Variants in COL4A3 observed in about 807,000 individuals in gnomAD.
COL4A3 encodes collagen type IV alpha 3 chain, also known as collagen alpha-3(IV) chain.
A neutral mutation model predicts 217.4 loss-of-function variants in COL4A3; 135 were observed. That is an observed-to-expected ratio of 0.62 (90% CI 0.54 to 0.72). The LOEUF is 0.72. Among genes scored for constraint, COL4A3 ranks in the 30% least tolerant of loss-of-function variants. The pLI, the probability that COL4A3 is intolerant of heterozygous loss-of-function variation, is 0.00. For missense variants in COL4A3, 1,868 were observed against 2,119.9 expected (o/e 0.88, Z 2.33); for synonymous variants, 690 against 736.3 (o/e 0.94, Z 1.02).
rs115542200 is a variant in COL4A3 at position 227,233,024 on chromosome 2, A to C, written c.88-4944A>C. On this transcript the variant is annotated intron_variant, in intron 1 of 51. Coordinates refer to ENST00000396578, the MANE Select transcript of COL4A3 (RefSeq NM_000091.5). ...TTTTTATTGTATTTATTTACTTTTTATGTTTTTGAGACAGAGTCTAGCTCT... is the reference window on the plus strand; with the variant it reads ...TTTTTATTGTATTTATTTACTTTTTCTGTTTTTGAGACAGAGTCTAGCTCT... Among the ~76,000 whole-genome samples, 629 of 152,196 alleles carry C rather than the reference A, an allele frequency of 4.1e-3. 4 individuals carry two copies. The highest frequency in any genetic ancestry group is 0.014 in the African/African-American group (592 of 41,536).
rs771642290 is a variant in COL4A3 at position 227,266,544 on chromosome 2, C to A, written c.1408+35C>A. 1.3e-5 allele frequency: 20 copies of A among 1,488,294 alleles called. 1 individual carries two copies. In the South Asian group the frequency reaches 2.2e-4, roughly 16 times the overall value. The allele number at this position is 1,488,294 out of a possible 1,614,324, so 92.2% of individuals were successfully genotyped here. ...ATCAATAATGTTGTATTAGGATAAGCCTTTTTCATCGTCATTATTATCACT... is the reference window on the plus strand; with the variant it reads ...ATCAATAATGTTGTATTAGGATAAGACTTTTTCATCGTCATTATTATCACT... On this transcript the variant is annotated intron_variant, in intron 22 of 51. Transcript: ENST00000396578.
At chr2:227,258,854 G>A (rs116810222) in intron 18 of COL4A3, among the ~76,000 whole-genome samples, 2,050 of 152,224 alleles carry the variant, frequency 0.013, 41 homozygotes, top group African/African-American at 0.048. Flanking sequence ...GTAGGTGCAC[G>A]CATATCATTA....
At chr2:227,221,907 G>A (rs912264275) in intron 1 of COL4A3, among the ~76,000 whole-genome samples, 1 of 151,776 alleles carries the variant, frequency 6.6e-6, no homozygotes, top group African/African-American at 2.4e-5. Context: ...GTGACTGAGG[G>A]AAAATGGCTT....
Position 227,172,050 on chromosome 2 carries a change from A to T in COL4A3, c.87+7237A>T, listed in dbSNP as rs140882858. ...AGTTGTATACGTGTTCACTTGAGAC[A>T]TTCTTCCTTTACACTTGGAATGTCC... On this transcript the variant is annotated intron_variant, in intron 1 of 51. Coordinates refer to ENST00000396578, the MANE Select transcript of COL4A3 (RefSeq NM_000091.5). Among the ~76,000 whole-genome samples the T allele has an allele frequency of 1.4e-4, 21 of 152,236 alleles. 1 individual carries two copies. The highest frequency in any genetic ancestry group is 4.8e-4 in the African/African-American group (20 of 41,540).
At chr2:227,222,148 AATAATAATAATAATAATG>A (rs200036669) in intron 1 of COL4A3, among the ~76,000 whole-genome samples, 4,096 of 94,554 alleles carry the variant, frequency 0.043, 148 homozygotes, top group Admixed American at 0.16. Context: ...TAATAATAAT[AATAATAATAATAATAATG>A]ATAATGATAA....
intron 24 of COL4A3, 83 bp from the exon 25 acceptor site, chr2:227,270,687 G>A (rs2071181486): frequency 7.2e-7 from 1 of 1,381,762 alleles, no homozygotes; most frequent in Non-Finnish European, 1.0e-6. Flanking sequence ...AAATTGAAAA[G>A]TTCTTGTCCA....
intron 43 of COL4A3, among the ~76,000 whole-genome samples, chr2:227,302,668 CTCTT>C (rs1457598586): frequency 1.8e-5 from 1 of 54,402 alleles, no homozygotes; most frequent in African/African-American, 9.3e-5. Flanking sequence ...CAAAACGAGA[CTCTT>C]TCTCCAAAAA....
chr2:227,198,805 T>C (rs2066579226), intron 1 of COL4A3, among the ~76,000 whole-genome samples: 1 of 152,198 alleles, frequency 6.6e-6, no homozygotes, highest in African/African-American at 2.4e-5. Flanking sequence ...AAATCCTCTT[T>C]TATTTATTTA....
intron 47 of COL4A3, among the ~76,000 whole-genome samples, chr2:227,306,198 C>T (rs2073495404): frequency 6.6e-6 from 1 of 152,136 alleles, no homozygotes; most frequent in Non-Finnish European, 1.5e-5. Flanking sequence ...AGAGCAAGGG[C>T]ACTGCAATAT....
At position 227,280,293 on chromosome 2, in the gene COL4A3, G is replaced by A. The variant is rs1338134495; in HGVS notation, c.2224-147G>A. 5 of 797,208 alleles carry A rather than the reference G, an allele frequency of 6.3e-6. No individual in the cohort carries two copies. In the African/African-American group the frequency reaches 8.7e-5, roughly 14 times the overall value. 49.4% of individuals were successfully genotyped at this position (797,208 alleles called of 1,614,324 possible). A position where few individuals can be genotyped will look rare whatever the true frequency, so the allele number is the denominator to read the frequency against. On this transcript the variant is annotated intron_variant, in intron 29 of 51. Coordinates refer to ENST00000396578, the MANE Select transcript of COL4A3 (RefSeq NM_000091.5). ...AAGTATTATTAAACATAATCTTACA[G>A]AAAAGTCAGCAACTAGAGCTCAAAA...
intron 1 of COL4A3, among the ~76,000 whole-genome samples, chr2:227,210,745 C>T (rs1199460536): frequency 6.6e-6 from 1 of 152,204 alleles, no homozygotes; most frequent in Non-Finnish European, 1.5e-5. Context: ...CTTCTCACAG[C>T]CACCCCACCA....
intron 32 of COL4A3, 90 bp from the exon 33 acceptor site, chr2:227,283,677 T>C (rs2072129675): frequency 3.6e-6 from 4 of 1,115,762 alleles, no homozygotes; most frequent in South Asian, 2.5e-5. Context: ...CAATCTCTGC[T>C]TCTAAGTATA....
chr2:227,233,101 C>A (rs1403927545), intron 1 of COL4A3, among the ~76,000 whole-genome samples: 1 of 152,144 alleles, frequency 6.6e-6, no homozygotes, highest in Non-Finnish European at 1.5e-5. Context: ...ACAACCTCAG[C>A]CTCCTGGGTT....
rs115039563 is a variant in COL4A3, at chr2:227,208,025, C to A, written c.88-29943C>A. On this transcript the variant is annotated intron_variant, in intron 1 of 51. Transcript: ENST00000396578. ...TGGTTACTCTCTCCCCCCGCCCCCC[C>A]ACACACACGAAACCACCTTTGCAAA... Among the ~76,000 whole-genome samples the A allele has an allele frequency of 9.3e-3, 1,414 of 152,018 alleles. 21 individuals are homozygous for A. Among genetic ancestry groups the A allele is most frequent in the African/African-American group, 0.032 (1,327 of 41,436 alleles).
chr2:227,173,325 A>C (rs2065558510), intron 1 of COL4A3, among the ~76,000 whole-genome samples: 1 of 152,206 alleles, frequency 6.6e-6, no homozygotes, highest in Admixed American at 6.5e-5. Flanking sequence ...AGGATTAGAC[A>C]GAAGCTTCAC....
intron 31 of COL4A3, chr2:227,281,779 T>G (rs1426093333): frequency 6.6e-6 from 1 of 152,412 alleles, no homozygotes; most frequent in African/African-American, 2.4e-5. Flanking sequence ...TCCCAGAATG[T>G]GTCTGCAGGA....
At chr2:227,266,841 GA>G in intron 22 of COL4A3, 151 bp from the exon 23 acceptor site, 2 of 680,314 alleles carry the variant, frequency 2.9e-6, no homozygotes, top group Non-Finnish European at 5.2e-6. Flanking sequence ...TATAATAAAT[GA>G]ATTTTTAAAT....
At chr2:227,178,993 C>T (rs951334428) in intron 1 of COL4A3, among the ~76,000 whole-genome samples, 11 of 152,076 alleles carry the variant, frequency 7.2e-5, no homozygotes, top group African/African-American at 2.7e-4. Flanking sequence ...ACTCTGAGGC[C>T]CAGGCTAGAG....
At chr2:227,215,310 C>T (rs927997735) in intron 1 of COL4A3, among the ~76,000 whole-genome samples, 1 of 152,082 alleles carries the variant, frequency 6.6e-6, no homozygotes, top group Admixed American at 6.6e-5. Flanking sequence ...TATGTATTTA[C>T]TTCCAGAATT....
Sources: allele counts gnomAD v4.1 joint callset (sites outside exome capture counted in the v4.1 genomes callset), GRCh38; gene constraint gnomAD v4.1.1; transcripts MANE v1.5; gene names NCBI Gene and HGNC (gene_info 2026-07-23, HGNC 2026-07-21).